DSCAM: variants seen among roughly 807,000 people sequenced by gnomAD.
DSCAM encodes the protein DS cell adhesion molecule, also known as cell adhesion molecule DSCAM.
A neutral mutation model predicts 217.7 loss-of-function variants in DSCAM; 47 were observed. That is an observed-to-expected ratio of 0.22 (90% confidence interval 0.17 to 0.28). DSCAM has a LOEUF of 0.28. Among genes scored for constraint, DSCAM ranks in the 10% least tolerant of loss-of-function variants. DSCAM has a pLI of 1.00. For synonymous variants in DSCAM, 1,056 were observed against 1,015.3 expected (o/e 1.04, Z -0.76); for missense variants, 2,080 against 2,618.3 (o/e 0.79, Z 4.49).
intron 1 of DSCAM, among the ~76,000 whole-genome samples, chr21:40,795,163 C>T (rs2091680891): frequency 6.6e-6 from 1 of 152,140 alleles, no homozygotes; most frequent in African/African-American, 2.4e-5. Context: ...TCCTCCATCA[C>T]ATAAACTTAT....
At chr21:40,684,062 TA>T (rs35767786) in intron 3 of DSCAM, among the ~76,000 whole-genome samples, 124,151 of 144,268 alleles carry the variant, frequency 0.86, 53,510 homozygotes, top group East Asian at 1. Context: ...CTGTCTCTAC[TA>T]AAAAAAAAAA....
intron 8 of DSCAM, among the ~76,000 whole-genome samples, chr21:40,322,386 T>C (rs1290372739): frequency 2.0e-5 from 3 of 152,216 alleles, no homozygotes; most frequent in African/African-American, 7.2e-5. Flanking sequence ...AAGAGATTTT[T>C]TGAGTTGAAA....
chr21:40,529,820 A>T (rs1483836572), intron 3 of DSCAM, among the ~76,000 whole-genome samples: 1 of 152,142 alleles, frequency 6.6e-6, no homozygotes, highest in Non-Finnish European at 1.5e-5. Context: ...TCCCTCGGGT[A>T]TCCCTCTTTC....
chr21:40,060,740 C>T (rs1466186825), intron 28 of DSCAM, among the ~76,000 whole-genome samples: 1 of 152,200 alleles, frequency 6.6e-6, no homozygotes, highest in Non-Finnish European at 1.5e-5. Context: ...TTTTAAATGT[C>T]ATCAACTAAT....
At chr21:40,549,871 G>A (rs971565441) in intron 3 of DSCAM, among the ~76,000 whole-genome samples, 31 of 152,182 alleles carry the variant, frequency 2.0e-4, no homozygotes, top group Admixed American at 1.7e-3. Context: ...TATCTAAGCT[G>A]AGAAAATGTG....
chr21:40,826,970 A>T (rs2091973891), intron 1 of DSCAM, among the ~76,000 whole-genome samples: 1 of 151,778 alleles, frequency 6.6e-6, no homozygotes. Context: ...TTATATAGAG[A>T]GGAATTAGAG....
At chr21:40,501,678 G>A (rs1320546610) in intron 3 of DSCAM, among the ~76,000 whole-genome samples, 2 of 152,282 alleles carry the variant, frequency 1.3e-5, no homozygotes, top group East Asian at 1.9e-4. Flanking sequence ...AGCAACCTCC[G>A]CCTCCCGGGT....
At chr21:40,656,980 G>A (rs2090083617) in intron 3 of DSCAM, among the ~76,000 whole-genome samples, 1 of 152,142 alleles carries the variant, frequency 6.6e-6, no homozygotes, top group South Asian at 2.1e-4. Context: ...GCAAGTATGG[G>A]ACTTGAACCA....
intron 3 of DSCAM, among the ~76,000 whole-genome samples, chr21:40,494,902 G>A (rs2076105825): frequency 6.6e-6 from 1 of 150,554 alleles, no homozygotes; most frequent in Non-Finnish European, 1.5e-5. Context: ...GAAATAAAAG[G>A]AGAAACATTA....
chr21:40,433,033 T>C (rs574287895), intron 3 of DSCAM, among the ~76,000 whole-genome samples: 1 of 152,074 alleles, frequency 6.6e-6, no homozygotes, highest in African/African-American at 2.4e-5. Context: ...ACAAAAAAAA[T>C]CAGTCACATT....
intron 3 of DSCAM, among the ~76,000 whole-genome samples, chr21:40,659,057 G>C (rs2090107529): frequency 1.3e-5 from 2 of 152,086 alleles, no homozygotes; most frequent in African/African-American, 4.8e-5. Context: ...TGGGATACCA[G>C]GATTGCAGGG....
At chr21:40,116,730 C>T (rs1398639191) in intron 20 of DSCAM, among the ~76,000 whole-genome samples, 5 of 151,254 alleles carry the variant, frequency 3.3e-5, no homozygotes, top group Admixed American at 1.3e-4. Flanking sequence ...CGACCGGGCG[C>T]GGTGGCTCAC....
At chr21:40,433,059 A>C (rs1326002226) in intron 3 of DSCAM, among the ~76,000 whole-genome samples, 2 of 152,228 alleles carry the variant, frequency 1.3e-5, no homozygotes, top group East Asian at 3.9e-4. Context: ...TTCATTCATT[A>C]ATATACCTGT....
chr21:40,440,071 G>GA (rs1351336953), intron 3 of DSCAM, among the ~76,000 whole-genome samples: 1 of 151,518 alleles, frequency 6.6e-6, no homozygotes, highest in Admixed American at 6.6e-5. Context: ...AAGCAACCTG[G>GA]GTCTTCTGAA....
intron 15 of DSCAM, among the ~76,000 whole-genome samples, chr21:40,170,113 G>T (rs1468487889): frequency 6.6e-6 from 1 of 152,162 alleles, no homozygotes; most frequent in Non-Finnish European, 1.5e-5. Flanking sequence ...TATGCACCCT[G>T]TGTCCCAGCC....
chr21:40,566,508 A>G (rs1433145602), intron 3 of DSCAM, among the ~76,000 whole-genome samples: 1 of 152,172 alleles, frequency 6.6e-6, no homozygotes, highest in East Asian at 1.9e-4. Context: ...ACCGCTACTC[A>G]CCACCCAACA....
At chr21:40,771,945 T>C (rs1027147161) in intron 1 of DSCAM, among the ~76,000 whole-genome samples, 2 of 152,244 alleles carry the variant, frequency 1.3e-5, no homozygotes, top group African/African-American at 4.8e-5. Flanking sequence ...GTAATCTTTA[T>C]GCGAATTTTA....
At position 40,291,281 on chromosome 21, in the gene DSCAM, T is replaced by G. The variant is rs549457372; in HGVS notation, c.2182+4774A>C. On this transcript the variant is annotated intron_variant, in intron 10 of 32. Coordinates refer to ENST00000400454, the MANE Select transcript of DSCAM (RefSeq NM_001389.5). ...AATTCCTGTCCTTCACACAGTCTGCTTTCAAAACAGCATGCCAGTGTGATC... is the reference window on the plus strand; with the variant it reads ...AATTCCTGTCCTTCACACAGTCTGCGTTCAAAACAGCATGCCAGTGTGATC... Among the ~76,000 whole-genome samples, 6 of 152,350 alleles carry G rather than the reference T, an allele frequency of 3.9e-5. No individual in the cohort carries two copies. The South Asian group carries it at 1.2e-3, about 32-fold the overall frequency.
intron 1 of DSCAM, among the ~76,000 whole-genome samples, chr21:40,723,529 C>A (rs537996390): frequency 3.3e-5 from 5 of 152,290 alleles, no homozygotes; most frequent in Admixed American, 6.5e-5. Context: ...AGAAGAGGGG[C>A]AGCATGCTTC....
Sources: gnomAD v4.1 joint callset for allele counts (sites outside exome capture counted in the v4.1 genomes callset) on GRCh38, gnomAD v4.1.1 for gene constraint, MANE v1.5 for transcripts, NCBI Gene and HGNC (gene_info 2026-07-23, HGNC 2026-07-21) for gene names.